WFDC1: variants seen among roughly 807,000 people sequenced by gnomAD.
The protein encoded by WFDC1 is WAP four-disulfide core domain protein 1.
In WFDC1, 39 loss-of-function variants were observed where a neutral mutation model predicts 32.9. That is an observed-to-expected ratio of 1.19 (90% confidence interval 0.92 to 1.55). WFDC1 has a LOEUF of 1.55. Ranked by LOEUF, WFDC1 falls within the 40% of genes most tolerant of loss-of-function variation. WFDC1 has a pLI of 0.00. For missense variants in WFDC1, 386 were observed against 309.5 expected (o/e 1.25, Z -1.85); for synonymous variants, 184 against 137.4 (o/e 1.34, Z -2.37).
intron 4 of WFDC1, among the ~76,000 whole-genome samples, chr16:84,323,853 G>T (rs904145305): frequency 6.6e-6 from 1 of 152,252 alleles, no homozygotes; most frequent in Admixed American, 6.5e-5. Context: ...GGGCATGGCG[G>T]CTCACGCCTG....
At chr16:84,296,160 G>A (rs570026370) in intron 1 of WFDC1, among the ~76,000 whole-genome samples, 1 of 152,310 alleles carries the variant, frequency 6.6e-6, no homozygotes, top group South Asian at 2.1e-4. Flanking sequence ...GGCTCAAGAA[G>A]GTAATGCTGG....
intron 1 of WFDC1, among the ~76,000 whole-genome samples, chr16:84,308,167 C>T (rs1480245089): frequency 1.3e-5 from 2 of 152,172 alleles, no homozygotes. Context: ...ACCCCCCGCT[C>T]CTGCTTGGCC....
chr16:84,301,002 C>G (rs10438602), intron 1 of WFDC1, among the ~76,000 whole-genome samples: 1 of 151,320 alleles, frequency 6.6e-6, no homozygotes, highest in Admixed American at 6.6e-5. Flanking sequence ...GGAGAAGAGA[C>G]ATAGAATCAG....
At chr16:84,319,946 A>T (rs1207390714) in intron 4 of WFDC1, among the ~76,000 whole-genome samples, 1 of 152,202 alleles carries the variant, frequency 6.6e-6, no homozygotes, top group African/African-American at 2.4e-5. Flanking sequence ...CAGTCGGAGC[A>T]GCCCTAAGGA....
intron 4 of WFDC1, among the ~76,000 whole-genome samples, chr16:84,324,022 A>C (rs949301710): frequency 6.6e-6 from 1 of 152,154 alleles, no homozygotes; most frequent in Non-Finnish European, 1.5e-5. Context: ...CGGGAGGCTG[A>C]GGCAGGAGAA....
At chr16:84,296,177 C>A (rs1031886060) in intron 1 of WFDC1, among the ~76,000 whole-genome samples, 14 of 152,218 alleles carry the variant, frequency 9.2e-5, no homozygotes, top group Admixed American at 3.3e-4. Context: ...CTGGCACCCA[C>A]AGCACCTGTG....
intron 1 of WFDC1, among the ~76,000 whole-genome samples, chr16:84,310,535 AG>A (rs1271447318): frequency 6.6e-6 from 1 of 152,198 alleles, no homozygotes; most frequent in Admixed American, 6.5e-5. Flanking sequence ...CCACTGCAGA[AG>A]GGTGTACAAT....
chr16:84,301,679 A>T (rs1906944680), intron 1 of WFDC1, among the ~76,000 whole-genome samples: 1 of 152,246 alleles, frequency 6.6e-6, no homozygotes. Context: ...TACTGATGTG[A>T]AGCAAACTTA....
chr16:84,296,560 C>T (rs1053415257), intron 1 of WFDC1, among the ~76,000 whole-genome samples: 1 of 152,018 alleles, frequency 6.6e-6, no homozygotes, highest in Admixed American at 6.6e-5. Flanking sequence ...GATTAATGAC[C>T]CCAGGCATAG....
chr16:84,319,977 A>G (rs4782607), intron 4 of WFDC1, among the ~76,000 whole-genome samples: 9,125 of 152,252 alleles, frequency 0.06, 411 homozygotes, highest in Non-Finnish European at 0.087. Context: ...GTCAGTAAGC[A>G]CTGGATGTTT....
At chr16:84,328,449 T>C (rs1908730619) in intron 6 of WFDC1, 1 of 152,142 alleles carries the variant, frequency 6.6e-6, no homozygotes, top group Admixed American at 6.5e-5. Flanking sequence ...GAAACGCAAA[T>C]GTCAGATTGC....
chr16:84,297,617 C>CAAAAAAAAAAA (rs150683526), intron 1 of WFDC1, among the ~76,000 whole-genome samples: 1 of 69,464 alleles, frequency 1.4e-5, no homozygotes, highest in Non-Finnish European at 2.6e-5. Context: ...AACTCTGTCT[C>CAAAAAAAAAAA]AAAAAAAAAA....
At chr16:84,305,151 T>C (rs1017011368) in intron 1 of WFDC1, among the ~76,000 whole-genome samples, 2 of 152,240 alleles carry the variant, frequency 1.3e-5, no homozygotes, top group African/African-American at 2.4e-5. Context: ...GAAGATTCAG[T>C]ATGTGAGGAC....
intron 6 of WFDC1, chr16:84,328,138 A>C (rs1460827121): frequency 1.3e-5 from 2 of 152,740 alleles, no homozygotes; most frequent in Non-Finnish European, 2.9e-5. Flanking sequence ...ATAGGCGCCC[A>C]GGTGGAGGGA....
chr16:84,322,566 A>AATCT (rs1908371020), intron 4 of WFDC1, among the ~76,000 whole-genome samples: 1 of 152,246 alleles, frequency 6.6e-6, no homozygotes, highest in East Asian at 1.9e-4. Flanking sequence ...CCCACTTATA[A>AATCT]ATCTACGTGT....
rs559225861 is a variant in WFDC1, at chr16:84,325,450, G to A, written c.604+990G>A. On this transcript the variant is annotated intron_variant, in intron 5 of 6. Transcript: ENST00000219454. ...ACTCCTGACCTCAGGTGATCTGCCC[G>A]CCTCGGCCTCCCAAAGTGCTAGATT... is the stretch of plus-strand genomic sequence containing the variant. Among the ~76,000 whole-genome samples, 43 of 151,788 alleles carry A rather than the reference G, an allele frequency of 2.8e-4. No homozygotes were observed. The South Asian group carries it at 7.3e-3, about 26-fold the overall frequency.
intron 1 of WFDC1, among the ~76,000 whole-genome samples, 174 bp from the exon 2 acceptor site, chr16:84,312,787 C>G (rs111489420): frequency 0.011 from 1,625 of 152,316 alleles, 23 homozygotes; most frequent in African/African-American, 0.035. Context: ...TACATGGTAT[C>G]TTCTGACCTT....
At chr16:84,307,076 C>A (rs1407458970) in intron 1 of WFDC1, among the ~76,000 whole-genome samples, 1 of 151,936 alleles carries the variant, frequency 6.6e-6, no homozygotes, top group African/African-American at 2.4e-5. Flanking sequence ...AGTGCAAAGG[C>A]CCAGAGGTGG....
In WFDC1 at chr16:84,313,071, G is replaced by A. The variant is rs1160310147; in HGVS notation, c.255G>A (p.Ala85=). Residue 85 remains alanine, a synonymous_variant, in exon 2 of 7, where the codon GCG becomes GCA. Coordinates refer to ENST00000219454, the MANE Select transcript of WFDC1 (RefSeq NM_021197.4). ...PGACQAARCQ[A]DSECPRHRRC... is the part of the protein sequence containing the mutation. ...CCTGCCAGGCCGCGCGCTGTCAGGC[G>A]GACTCCGAGTGCCCGCGGCACCGGC... is the stretch of plus-strand genomic sequence containing the variant. 1.1e-5 allele frequency: 15 copies of A among 1,418,254 alleles called. No individual in the cohort carries two copies. The East Asian group carries it at 3.1e-4, about 29-fold the overall frequency. 87.9% of individuals were successfully genotyped at this position (1,418,254 alleles called of 1,614,324 possible).
Sources: gnomAD v4.1 joint callset for allele counts (sites outside exome capture counted in the v4.1 genomes callset) on GRCh38, gnomAD v4.1.1 for gene constraint, MANE v1.5 for transcripts, NCBI Gene and HGNC (gene_info 2026-07-23, HGNC 2026-07-21) for gene names.